POU2AF1: variants seen among roughly 807,000 people sequenced by gnomAD.
The protein encoded by POU2AF1 is POU class 2 homeobox associating factor 1.
In POU2AF1, 12 loss-of-function variants were observed where a neutral mutation model predicts 26.3. The ratio of observed to expected loss-of-function variants is 0.46; its 90% CI spans 0.29 to 0.74. The LOEUF is 0.74. Ranked by LOEUF, POU2AF1 falls within the 30% of genes least tolerant of loss-of-function variation. POU2AF1 has a pLI of 0.09. For missense variants in POU2AF1, 297 were observed against 334.5 expected, an observed-to-expected ratio of 0.89 and a Z score of 0.87; for synonymous variants, 175 against 148.0, an observed-to-expected ratio of 1.18 and a Z score of -1.32.
chr11:111,357,618 T>A lies in POU2AF1; in HGVS notation c.283A>T (p.Thr95Ser). The change falls in exon 4 of 5, where the codon ACC becomes TCC. Residue 95 changes from threonine (T) to serine (S), a missense_variant. By Grantham distance (58) the Thr-to-Ser change is moderately conservative. Coordinates refer to ENST00000393067, the MANE Select transcript of POU2AF1 (RefSeq NM_006235.3). ...AGWLSQPTPA[T>S]LQPLAPWTPY... ...GTCCATGGGGCCAGGGGCTGCAGGG[T>A]GGCCGGGGTGGGCTGGGAGAGCCAG... is the stretch of plus-strand genomic sequence containing the variant. The A allele has an allele frequency of 1.9e-6, 3 of 1,613,230 alleles. No individual in the cohort carries two copies. Among genetic ancestry groups the A allele is most frequent in the Non-Finnish European group, 2.5e-6 (3 of 1,179,776 alleles).
intron 1 of POU2AF1, among the ~76,000 whole-genome samples, chr11:111,375,364 A>G (rs1861286550): frequency 6.7e-6 from 1 of 148,864 alleles, no homozygotes; most frequent in African/African-American, 2.5e-5. Context: ...GGTGTTGGCA[A>G]TGTACAACCC....
At chr11:111,360,342 TGCC>T (rs1860981427) in intron 1 of POU2AF1, among the ~76,000 whole-genome samples, 2 of 152,200 alleles carry the variant, frequency 1.3e-5, no homozygotes, top group Non-Finnish European at 2.9e-5. Flanking sequence ...TCTGCAGCAC[TGCC>T]CTGGTTGAAC....
intron 1 of POU2AF1, among the ~76,000 whole-genome samples, chr11:111,376,725 C>T (rs1237840541): frequency 6.6e-6 from 1 of 152,156 alleles, no homozygotes; most frequent in Admixed American, 6.5e-5. Flanking sequence ...AGTGCCCTTT[C>T]AGCACTCTTG....
intron 1 of POU2AF1, chr11:111,363,541 A>G (rs1156616548): frequency 5.3e-6 from 5 of 950,380 alleles, no homozygotes; most frequent in Non-Finnish European, 6.3e-6. Flanking sequence ...GGAGAGGAAA[A>G]AAGTTTGTCT....
At chr11:111,356,097 TAAATC>T (rs1353980002) in intron 4 of POU2AF1, among the ~76,000 whole-genome samples, 1 of 152,132 alleles carries the variant, frequency 6.6e-6, no homozygotes, top group Non-Finnish European at 1.5e-5. Context: ...GCAAAACAAA[TAAATC>T]AATTCTTAAT....
Position 111,361,054 on chromosome 11 carries a change from G to T in POU2AF1, c.17-2136C>A, listed in dbSNP as rs568111211. Among the ~76,000 whole-genome samples, 3 of 152,122 alleles carry T rather than the reference G, an allele frequency of 2.0e-5. No homozygotes were observed. In the East Asian group the frequency reaches 5.8e-4, roughly 29 times the overall value. On this transcript the variant is annotated intron_variant, in intron 1 of 4. Coordinates refer to ENST00000393067, the MANE Select transcript of POU2AF1 (RefSeq NM_006235.3). ...GAATCTCCCGATAACATCCCAATAG[G>T]AGATTCATTATCCTTATTTTAACTT...
At position 111,357,898 on chromosome 11, in the gene POU2AF1, G is replaced by A. The variant is rs1277661932; in HGVS notation, c.148-61C>T. The A allele has an allele frequency of 2.0e-6, 3 of 1,497,590 alleles. No individual in the cohort carries two copies. In the African/African-American group the frequency reaches 4.3e-5, roughly 21 times the overall value. 92.8% of individuals were successfully genotyped at this position (1,497,590 alleles called of 1,614,324 possible). ...AGCCCTCGTCAACCGGCCCTGTGCA[G>A]AGAACTTGCCCAGAGGGCCTCAGGG... On this transcript the variant is annotated intron_variant, in intron 2 of 4. Coordinates refer to ENST00000393067, the MANE Select transcript of POU2AF1 (RefSeq NM_006235.3).
chr11:111,363,376 G>A, intron 1 of POU2AF1: 1 of 1,019,958 alleles, frequency 9.8e-7, no homozygotes, highest in Non-Finnish European at 1.2e-6. Context: ...TTCCAAAGGA[G>A]CCCAACGGCC....
intron 1 of POU2AF1, among the ~76,000 whole-genome samples, chr11:111,365,845 G>A (rs1269320506): frequency 7.4e-6 from 1 of 134,306 alleles, no homozygotes; most frequent in African/African-American, 2.8e-5. Context: ...CGACAGGAGC[G>A]AAACTCCATC....
intron 1 of POU2AF1, among the ~76,000 whole-genome samples, chr11:111,367,103 G>A (rs1861119194): frequency 6.6e-6 from 1 of 152,168 alleles, no homozygotes; most frequent in African/African-American, 2.4e-5. Context: ...CCACGTGGCA[G>A]TGGCCCTCTA....
At chr11:111,379,037 C>T (rs1266931923) in intron 1 of POU2AF1, 125 bp downstream of exon 1, 2 of 857,096 alleles carry the variant, frequency 2.3e-6, no homozygotes, top group Non-Finnish European at 3.4e-6. Context: ...GGGCTTGGAA[C>T]CCAGACCCCC....
intron 1 of POU2AF1, 143 bp downstream of exon 1, chr11:111,379,019 C>CCCCCCCCCCGGT: frequency 1.9e-6 from 1 of 522,942 alleles, no homozygotes; most frequent in South Asian, 2.2e-5. Context: ...TCCCCCCTCC[C>CCCCCCCCCCGGT]TGCTCCGGGG....
At chr11:111,362,764 T>TGGGG (rs141207117) in intron 1 of POU2AF1, among the ~76,000 whole-genome samples, 8 of 151,978 alleles carry the variant, frequency 5.3e-5, no homozygotes, top group African/African-American at 1.9e-4. Flanking sequence ...TGGGGTTACT[T>TGGGG]GGGGGGGTCT....
chr11:111,375,035 G>A (rs1861281627), intron 1 of POU2AF1, among the ~76,000 whole-genome samples: 1 of 152,136 alleles, frequency 6.6e-6, no homozygotes, highest in East Asian at 1.9e-4. Context: ...TGTTCAAGTT[G>A]TCTGAAAGCA....
chr11:111,376,941 T>C (rs1861320040), intron 1 of POU2AF1, among the ~76,000 whole-genome samples: 1 of 152,152 alleles, frequency 6.6e-6, no homozygotes, highest in South Asian at 2.1e-4. Flanking sequence ...AAGATAATTT[T>C]GATTTGTGTT....
At chr11:111,376,990 T>C (rs1054018056) in intron 1 of POU2AF1, among the ~76,000 whole-genome samples, 3 of 152,138 alleles carry the variant, frequency 2.0e-5, no homozygotes, top group South Asian at 4.2e-4. Flanking sequence ...AGTTATTCCA[T>C]TGATGAGCTT....
At chr11:111,374,659 C>T (rs1165916440) in intron 1 of POU2AF1, among the ~76,000 whole-genome samples, 1 of 152,204 alleles carries the variant, frequency 6.6e-6, no homozygotes, top group East Asian at 1.9e-4. Flanking sequence ...TGCACCACTA[C>T]ATTGCAGCCT....
At chr11:111,368,437 C>T (rs1207859671) in intron 1 of POU2AF1, among the ~76,000 whole-genome samples, 1 of 151,930 alleles carries the variant, frequency 6.6e-6, no homozygotes, top group African/African-American at 2.4e-5. Flanking sequence ...GGCTGATTGG[C>T]CCACCAAGAG....
rs1860865521 is a variant in POU2AF1, at chr11:111,357,298, A to G, written c.456+147T>C. ...TATCTCAGGAAATGAGAATCAGAGCAGGCCTCCATGGAGACCAAGGCGAGC... is the reference window on the plus strand; with the variant it reads ...TATCTCAGGAAATGAGAATCAGAGCGGGCCTCCATGGAGACCAAGGCGAGC... On this transcript the variant is annotated intron_variant, in intron 4 of 4. Coordinates refer to ENST00000393067, the MANE Select transcript of POU2AF1 (RefSeq NM_006235.3). 6 of 1,049,784 alleles carry G rather than the reference A, an allele frequency of 5.7e-6. No homozygotes were observed. The Admixed American group carries it at 1.4e-4, about 24-fold the overall frequency. The allele number at this position is 1,049,784 out of a possible 1,614,324, so 65.0% of individuals were successfully genotyped here. A position where few individuals can be genotyped will look rare whatever the true frequency, so the allele number is the denominator to read the frequency against.
Sources: allele counts gnomAD v4.1 joint callset (sites outside exome capture counted in the v4.1 genomes callset), GRCh38; gene constraint gnomAD v4.1.1; transcripts MANE v1.5; gene names NCBI Gene and HGNC (gene_info 2026-07-23, HGNC 2026-07-21).